The following PRKG1 variants were observed in gnomAD, a reference collection of about 807,000 sequenced individuals.
PRKG1 encodes the protein cGMP-dependent protein kinase 1.
A neutral mutation model predicts 88.1 loss-of-function variants in PRKG1; 35 were observed. The observed-to-expected ratio is 0.40, with a 90% confidence interval of 0.30 to 0.53. PRKG1 has a LOEUF of 0.53. Among genes scored for constraint, PRKG1 ranks in the 20% least tolerant of loss-of-function variants. The pLI is 0.59. For missense variants in PRKG1, 540 were observed against 839.8 expected, an observed-to-expected ratio of 0.64 and a Z score of 4.41; for synonymous variants, 303 against 292.5, an observed-to-expected ratio of 1.04 and a Z score of -0.37.
chr10:51,478,026 G>C (rs529145907), intron 3 of PRKG1, among the ~76,000 whole-genome samples: 2 of 152,058 alleles, frequency 1.3e-5, no homozygotes, highest in African/African-American at 4.8e-5. Context: ...GTATGACTTT[G>C]GTCTGTGAAG....
intron 3 of PRKG1, among the ~76,000 whole-genome samples, chr10:51,608,377 A>C (rs1838820449): frequency 6.6e-6 from 1 of 152,186 alleles, no homozygotes; most frequent in South Asian, 2.1e-4. Context: ...TGTAGAGATT[A>C]TTGATTGTTC....
At chr10:51,727,899 C>T (rs1039476572) in intron 3 of PRKG1, among the ~76,000 whole-genome samples, 5 of 151,922 alleles carry the variant, frequency 3.3e-5, no homozygotes, top group Admixed American at 6.6e-5. Context: ...AAATGAAGAC[C>T]GTGTGCCCCA....
At chr10:52,272,729 T>C (rs1310374074) in intron 12 of PRKG1, among the ~76,000 whole-genome samples, 1 of 152,032 alleles carries the variant, frequency 6.6e-6, no homozygotes. Context: ...TAGCAAAATA[T>C]ATACATGGCC....
chr10:51,054,225 G>A (rs1354440374), intron 1 of PRKG1, among the ~76,000 whole-genome samples: 2 of 151,966 alleles, frequency 1.3e-5, no homozygotes, highest in Non-Finnish European at 2.9e-5. Flanking sequence ...AAATTCCATG[G>A]AGACTTCTAG....
intron 3 of PRKG1, among the ~76,000 whole-genome samples, chr10:51,715,561 T>C (rs887181009): frequency 1.3e-5 from 2 of 152,314 alleles, no homozygotes. Flanking sequence ...GTAACTGTTC[T>C]ATGGAATAGA....
rs866427575 is a variant in PRKG1, at chr10:52,288,758, C to T, written c.1742C>T (p.Thr581Ile). ...TTCTCAGGCCCAGATCCTATGAAAACCTATAACATCATATTGAGGGGGATT... is the reference window on the plus strand; with the variant it reads ...TTCTCAGGCCCAGATCCTATGAAAATCTATAACATCATATTGAGGGGGATT... ...PPFSGPDPMK[T>I]YNIILRGIDM... Residue 581 changes from threonine (T) to isoleucine (I), a missense_variant, in exon 15 of 18, where the codon ACC becomes ATC. Thr to Ile is a moderately conservative substitution (Grantham distance 89). Transcript: ENST00000373980. The T allele has an allele frequency of 6.9e-6, 11 of 1,599,746 alleles. No homozygotes were observed. Among genetic ancestry groups the T allele is most frequent in the Admixed American group, 1.8e-5 (1 of 56,566 alleles).
chr10:52,246,677 G>C lies in PRKG1; in HGVS notation c.1077-4893G>C, dbSNP rs552093259. On this transcript the variant is annotated intron_variant, in intron 9 of 17. Coordinates refer to ENST00000373980, the MANE Select transcript of PRKG1 (RefSeq NM_006258.4). ...GGATCACCTGAGGTCGGGAGTTCAAGACCAGCCTGACCAACATGGTGAAAC... is the reference window on the plus strand; with the variant it reads ...GGATCACCTGAGGTCGGGAGTTCAACACCAGCCTGACCAACATGGTGAAAC... Among the ~76,000 whole-genome samples, 4 of 152,110 alleles carry C rather than the reference G, an allele frequency of 2.6e-5. No individual in the cohort carries two copies. In the East Asian group the frequency reaches 7.7e-4, roughly 29 times the overall value.
chr10:51,735,879 ATG>A (rs1554836787), intron 3 of PRKG1, among the ~76,000 whole-genome samples: 6 of 44,800 alleles, frequency 1.3e-4, no homozygotes, highest in African/African-American at 5.0e-4. Flanking sequence ...ATATATATAT[ATG>A]TATATTTATT....
chr10:52,262,691 A>G (rs1841461413), intron 10 of PRKG1, among the ~76,000 whole-genome samples: 1 of 152,026 alleles, frequency 6.6e-6, no homozygotes, highest in Non-Finnish European at 1.5e-5. Flanking sequence ...TCCATGGGGG[A>G]TTGGTTCTAG....
At chr10:51,522,913 A>T (rs1200864332) in intron 3 of PRKG1, among the ~76,000 whole-genome samples, 1 of 151,700 alleles carries the variant, frequency 6.6e-6, no homozygotes, top group East Asian at 1.9e-4. Flanking sequence ...ATTTATTAAA[A>T]ACCAAGGGAG....
chr10:52,010,479 C>G (rs1903989), intron 5 of PRKG1, among the ~76,000 whole-genome samples: 1 of 151,950 alleles, frequency 6.6e-6, no homozygotes, highest in Non-Finnish European at 1.5e-5. Flanking sequence ...TTACTTAAAC[C>G]AGGGGTGTTG....
chr10:51,091,402 G>A (rs1844395016), intron 1 of PRKG1, among the ~76,000 whole-genome samples: 1 of 152,018 alleles, frequency 6.6e-6, no homozygotes, highest in Admixed American at 6.6e-5. Context: ...CCAGGACCTG[G>A]CAACCACTAA....
intron 3 of PRKG1, among the ~76,000 whole-genome samples, chr10:51,623,237 GT>G (rs1366878737): frequency 6.6e-6 from 1 of 152,206 alleles, no homozygotes; most frequent in African/African-American, 2.4e-5. Flanking sequence ...GTTTTGCTCT[GT>G]TGCCCAGGCT....
intron 4 of PRKG1, among the ~76,000 whole-genome samples, chr10:51,900,248 C>T (rs931715323): frequency 1.3e-5 from 2 of 152,144 alleles, no homozygotes; most frequent in Non-Finnish European, 2.9e-5. Flanking sequence ...ATATATGTAG[C>T]AGCAAAAGGG....
rs150057800 is a variant in PRKG1, at chr10:51,185,458, TTCTC to T, written c.478+32132_478+32135del. Among the ~76,000 whole-genome samples, 346 of 152,194 alleles carry T rather than the reference TTCTC, an allele frequency of 2.3e-3. 5 individuals carry two copies. In the East Asian group the frequency reaches 0.059, roughly 26 times the overall value. On this transcript the variant is annotated intron_variant, in intron 2 of 17. Transcript: ENST00000373980. ...TTGAGGTTTACTTAATTTTGATGTTTTCTCTCTAATTCTAAAACTTTTTAAATTA... is the reference window on the plus strand; with the variant it reads ...TTGAGGTTTACTTAATTTTGATGTTTTCTAATTCTAAAACTTTTTAAATTA...
intron 1 of PRKG1, among the ~76,000 whole-genome samples, chr10:51,103,596 G>A (rs950817214): frequency 3.3e-5 from 5 of 152,258 alleles, no homozygotes; most frequent in African/African-American, 1.2e-4. Flanking sequence ...ATGTAATAAA[G>A]GATGTGCATC....
intron 4 of PRKG1, among the ~76,000 whole-genome samples, chr10:51,869,544 A>T (rs1178370403): frequency 6.6e-6 from 1 of 152,148 alleles, no homozygotes; most frequent in Non-Finnish European, 1.5e-5. Flanking sequence ...CCAGCCCTTG[A>T]ACTCAAAGAT....
chr10:51,915,350 A>G (rs1842315971), intron 5 of PRKG1, among the ~76,000 whole-genome samples: 1 of 152,310 alleles, frequency 6.6e-6, no homozygotes, highest in African/African-American at 2.4e-5. Context: ...CCCTTCCTTC[A>G]GGTTGGCTCT....
At position 51,765,423 on chromosome 10, in the gene PRKG1, C is replaced by A. The variant is rs199927009; in HGVS notation, c.593-39162C>A. Among the ~76,000 whole-genome samples the A allele has an allele frequency of 4.6e-5, 7 of 152,274 alleles. No homozygotes were observed. The East Asian group carries it at 1.2e-3, about 25-fold the overall frequency. ...TCCTTAAGCTATCTGTCCTCCTTTT[C>A]ATTTTTCTAATAATCAAATCTTCTA... On this transcript the variant is annotated intron_variant, in intron 3 of 17. Transcript: ENST00000373980.
Sources: gnomAD v4.1 joint callset for allele counts (sites outside exome capture counted in the v4.1 genomes callset) on GRCh38, gnomAD v4.1.1 for gene constraint, MANE v1.5 for transcripts, NCBI Gene and HGNC (gene_info 2026-07-23, HGNC 2026-07-21) for gene names.